Variants in SERPINB7 observed in about 807,000 individuals in gnomAD.
The protein encoded by SERPINB7 is serpin family B member 7, also known as serpin B7.
In SERPINB7, 31 loss-of-function variants were observed where a neutral mutation model predicts 37.4. The observed-to-expected ratio is 0.83, with a 90% CI of 0.62 to 1.12. SERPINB7 has a LOEUF of 1.12. Ranked by LOEUF, SERPINB7 falls within the 50% of genes most tolerant of loss-of-function variation. The pLI, the probability that SERPINB7 is intolerant of heterozygous loss-of-function variation, is 0.00. For synonymous variants in SERPINB7, 163 were observed against 166.1 expected (o/e 0.98, Z 0.14); for missense variants, 521 against 455.3 (o/e 1.14, Z -1.31).
intron 1 of SERPINB7, among the ~76,000 whole-genome samples, chr18:63,779,995 T>C (rs868367594): frequency 6.6e-6 from 1 of 152,154 alleles, no homozygotes; most frequent in African/African-American, 2.4e-5. Flanking sequence ...CAGACCCCCA[T>C]TGGCCCGTGC....
chr18:63,757,072 TG>T (rs986895490), intron 1 of SERPINB7, among the ~76,000 whole-genome samples: 1 of 152,160 alleles, frequency 6.6e-6, no homozygotes. Flanking sequence ...TAGAGTTGTT[TG>T]TTTTTTTTCT....
intron 1 of SERPINB7, among the ~76,000 whole-genome samples, chr18:63,766,573 C>A (rs2049181803): frequency 6.6e-6 from 1 of 152,104 alleles, no homozygotes; most frequent in Admixed American, 6.6e-5. Context: ...GAAGGCTAAA[C>A]TTTTGCTCAT....
At chr18:63,758,736 G>A (rs1475441974) in intron 1 of SERPINB7, among the ~76,000 whole-genome samples, 1 of 152,140 alleles carries the variant, frequency 6.6e-6, no homozygotes, top group East Asian at 1.9e-4. Context: ...AGCATGTGAT[G>A]GTCCCACCTC....
chr18:63,781,885 A>T (rs961753163), intron 1 of SERPINB7, among the ~76,000 whole-genome samples: 2 of 152,252 alleles, frequency 1.3e-5, no homozygotes, highest in African/African-American at 4.8e-5. Flanking sequence ...TGATTGTTCT[A>T]AGAATTTACA....
In SERPINB7 at chr18:63,792,390, C is replaced by T. The variant is rs780537854; in HGVS notation, c.169-3C>T. ...GATTGCTTTCCTTGTGCCCTGTTTA[C>T]AGTTGCTTCATGTTAACACTGCCTC... is the stretch of plus-strand genomic sequence containing the variant. On this transcript the variant is annotated splice_region_variant and splice_polypyrimidine_tract_variant and intron_variant, in intron 2 of 7. Transcript: ENST00000398019. 2 of 1,595,172 alleles carry T rather than the reference C, an allele frequency of 1.3e-6. No individual in the cohort carries two copies. Among genetic ancestry groups the T allele is most frequent in the East Asian group, 4.5e-5 (2 of 44,756 alleles).
rs1382144050 is a variant in SERPINB7 at position 63,804,178 on chromosome 18, A to T, written c.745-59A>T. 8 of 1,239,200 alleles carry T rather than the reference A, an allele frequency of 6.5e-6. No individual in the cohort carries two copies. In the East Asian group the frequency reaches 1.6e-4, roughly 25 times the overall value. 76.8% of individuals were successfully genotyped at this position (1,239,200 alleles called of 1,614,324 possible). On this transcript the variant is annotated intron_variant, in intron 7 of 7. Coordinates refer to ENST00000398019, the MANE Select transcript of SERPINB7 (RefSeq NM_003784.4). ...TAGAAAACTATGTATCTCTGTAGCT[A>T]TTGTTTTATCTATCACTTGACCATA...
At chr18:63,782,065 T>C (rs2049305797) in intron 1 of SERPINB7, among the ~76,000 whole-genome samples, 1 of 152,108 alleles carries the variant, frequency 6.6e-6, no homozygotes, top group Non-Finnish European at 1.5e-5. Flanking sequence ...TCTGGGGTGA[T>C]TTGAGAAATA....
At chr18:63,777,537 A>G (rs1453766105) in intron 1 of SERPINB7, among the ~76,000 whole-genome samples, 2 of 152,148 alleles carry the variant, frequency 1.3e-5, no homozygotes, top group Non-Finnish European at 1.5e-5. Context: ...ACTATGTGAT[A>G]CTAAATATCA....
intron 1 of SERPINB7, among the ~76,000 whole-genome samples, 161 bp downstream of exon 1, chr18:63,775,877 G>C (rs932577515): frequency 1.1e-4 from 17 of 152,238 alleles, no homozygotes. Context: ...CGCCTCCTTG[G>C]AGGGATGCTT....
intron 1 of SERPINB7, among the ~76,000 whole-genome samples, chr18:63,759,336 A>T (rs2049139816): frequency 6.6e-6 from 1 of 152,140 alleles, no homozygotes; most frequent in South Asian, 2.1e-4. Flanking sequence ...AAAATTTTCC[A>T]ATTAAAATTG....
At position 63,798,536 on chromosome 18, in the gene SERPINB7, G is replaced by A. The variant is rs2049512165; in HGVS notation, c.455-68G>A. On this transcript the variant is annotated intron_variant, in intron 5 of 7. Transcript: ENST00000398019. ...AGAAAAAAACTTCATACCAATTAAT[G>A]GTCTTTTTAAATCATTTTTAAAATT... 2.3e-5 allele frequency: 29 copies of A among 1,260,326 alleles called. No individual in the cohort carries two copies. In the South Asian group the frequency reaches 4.5e-4, roughly 19 times the overall value. 78.1% of individuals were successfully genotyped at this position (1,260,326 alleles called of 1,614,324 possible).
At chr18:63,759,498 C>A (rs761907268) in intron 1 of SERPINB7, among the ~76,000 whole-genome samples, 1 of 151,936 alleles carries the variant, frequency 6.6e-6, no homozygotes, top group African/African-American at 2.4e-5. Context: ...TATTGTAGTA[C>A]CAGGCTTTCC....
In SERPINB7 at chr18:63,767,994, T is replaced by C. The variant is rs114691737; in HGVS notation, c.-18-14361T>C. Among the ~76,000 whole-genome samples, 974 of 152,226 alleles carry C rather than the reference T, an allele frequency of 6.4e-3. 11 individuals carry two copies. The highest frequency in any genetic ancestry group is 0.022 in the African/African-American group (928 of 41,562). ...TTTTTAAAAAAATTCTTTTAATATC[T>C]GTGAGGTCTGTGAAGTCTGAAGGTC... is the stretch of plus-strand genomic sequence containing the variant. On this transcript the variant is annotated intron_variant, in intron 1 of 7. Transcript: ENST00000336429.
intron 1 of SERPINB7, among the ~76,000 whole-genome samples, chr18:63,770,282 C>T (rs1015754901): frequency 6.6e-6 from 1 of 151,220 alleles, no homozygotes; most frequent in Non-Finnish European, 1.5e-5. Context: ...GCAATAGCAC[C>T]TAGGCTGGAA....
chr18:63,791,978 G>T (rs148011046), intron 2 of SERPINB7, among the ~76,000 whole-genome samples: 375 of 152,296 alleles, frequency 2.5e-3, no homozygotes, highest in African/African-American at 8.7e-3. Context: ...TGACTATATT[G>T]AAAACTGTAG....
chr18:63,794,046 C>T (rs140365822), intron 4 of SERPINB7, among the ~76,000 whole-genome samples: 15 of 150,916 alleles, frequency 9.9e-5, no homozygotes, highest in Non-Finnish European at 1.8e-4. Context: ...CGGGTTCAAG[C>T]GATTCTCCTG....
chr18:63,755,115 A>G (rs1387661416), intron 1 of SERPINB7, among the ~76,000 whole-genome samples: 2 of 151,646 alleles, frequency 1.3e-5, no homozygotes, highest in Non-Finnish European at 1.5e-5. Flanking sequence ...CTTGTTAGCC[A>G]GGATGGTCTC....
chr18:63,792,451 C>A lies in SERPINB7; in HGVS notation c.219+8C>A, dbSNP rs201821537. The A allele has an allele frequency of 1.9e-6, 3 of 1,570,888 alleles. No homozygotes were observed. The highest frequency in any genetic ancestry group is 3.4e-5 in the Admixed American group (2 of 59,348). On this transcript the variant is annotated splice_region_variant and intron_variant, in intron 3 of 7. Transcript: ENST00000398019. ...AACTCTTCTAATAGTCAGGTAAAGA[C>A]AATATGTTCTTTTAGAAAAAGAGAA... is the stretch of plus-strand genomic sequence containing the variant.
chr18:63,785,280 T>C (rs2049352844), intron 2 of SERPINB7, among the ~76,000 whole-genome samples: 1 of 152,234 alleles, frequency 6.6e-6, no homozygotes, highest in Non-Finnish European at 1.5e-5. Flanking sequence ...CTATTTTAAA[T>C]GAATCCCGGC....
Sources: allele counts gnomAD v4.1 joint callset (sites outside exome capture counted in the v4.1 genomes callset), GRCh38; gene constraint gnomAD v4.1.1; transcripts MANE v1.5; gene names NCBI Gene and HGNC (gene_info 2026-07-23, HGNC 2026-07-21).